The following SLC39A11 variants were observed in gnomAD, a reference collection of about 807,000 sequenced individuals.
SLC39A11 encodes the protein solute carrier family 39 member 11.
A neutral mutation model predicts 36.1 loss-of-function variants in SLC39A11; 33 were observed. That is an observed-to-expected ratio of 0.91 (90% CI 0.69 to 1.22). The LOEUF is 1.22. Among genes scored for constraint, SLC39A11 ranks in the 50% most tolerant of loss-of-function variants. The pLI, the probability that SLC39A11 is intolerant of heterozygous loss-of-function variation, is 0.00. For synonymous variants in SLC39A11, 166 were observed against 170.3 expected (o/e 0.97, Z 0.20); for missense variants, 432 against 430.3 (o/e 1.00, Z -0.03).
rs530671993 is a variant in SLC39A11 at position 72,710,554 on chromosome 17, C to T, written c.671+26096G>A. Reference sequence around the variant, plus strand: ...CCATTTGTGGAGCAGAGAGCAAGCCCTTCACCAGACACAGAATCTTCTGGT... The same window carrying T: ...CCATTTGTGGAGCAGAGAGCAAGCCTTTCACCAGACACAGAATCTTCTGGT... On this transcript the variant is annotated intron_variant, in intron 7 of 9. Coordinates refer to ENST00000255559, the MANE Select transcript of SLC39A11 (RefSeq NM_139177.4). Among the ~76,000 whole-genome samples the T allele has an allele frequency of 1.5e-3, 224 of 152,306 alleles. 2 individuals are homozygous for T. Among genetic ancestry groups the T allele is most frequent in the African/African-American group, 5.3e-3 (222 of 41,558 alleles).
At chr17:72,648,769 G>T (rs2069702539) in intron 9 of SLC39A11, 34 bp downstream of exon 9, 1 of 1,613,286 alleles carries the variant, frequency 6.2e-7, no homozygotes, top group Non-Finnish European at 8.5e-7. Flanking sequence ...CTGGGACTGG[G>T]ACAGGGACAG....
At chr17:72,919,373 G>C (rs1482861000) in intron 5 of SLC39A11, among the ~76,000 whole-genome samples, 2 of 152,156 alleles carry the variant, frequency 1.3e-5, no homozygotes, top group Non-Finnish European at 2.9e-5. Context: ...GGTGAAGAAA[G>C]AGACAGGGAA....
chr17:72,943,129 A>C (rs1010005295), intron 5 of SLC39A11, among the ~76,000 whole-genome samples: 2 of 152,220 alleles, frequency 1.3e-5, no homozygotes, highest in Admixed American at 1.3e-4. Context: ...TTGAGGTGGA[A>C]GAAGGGGATC....
intron 3 of SLC39A11, among the ~76,000 whole-genome samples, chr17:73,046,047 T>C (rs1202533829): frequency 6.6e-6 from 1 of 152,064 alleles, no homozygotes; most frequent in Non-Finnish European, 1.5e-5. Flanking sequence ...CCCTCCTATG[T>C]TTGAAGGAGA....
At chr17:72,809,604 T>C (rs556555420) in intron 6 of SLC39A11, among the ~76,000 whole-genome samples, 2 of 152,316 alleles carry the variant, frequency 1.3e-5, no homozygotes, top group East Asian at 1.9e-4. Flanking sequence ...TCATCACATC[T>C]TGGAGTAACA....
rs1450695634 is a variant in SLC39A11 at position 72,754,041 on chromosome 17, TATATACACATAC to T, written c.602-17334_602-17323del. On this transcript the variant is annotated intron_variant, in intron 6 of 9. Coordinates refer to ENST00000255559, the MANE Select transcript of SLC39A11 (RefSeq NM_139177.4). ...ATATGTATATATATATATATATATA[TATATACACATAC>T]ACACACACACACACACACACACACA... Among the ~76,000 whole-genome samples, 23 of 54,544 alleles carry T rather than the reference TATATACACATAC, an allele frequency of 4.2e-4. 1 individual carries two copies. Among genetic ancestry groups the T allele is most frequent in the African/African-American group, 1.2e-3 (21 of 16,980 alleles). The allele number at this position is 54,544 out of a possible 152,430, so 35.8% of individuals were successfully genotyped here.
chr17:72,748,120 A>G (rs915391235), intron 6 of SLC39A11, among the ~76,000 whole-genome samples: 3 of 152,162 alleles, frequency 2.0e-5, no homozygotes, highest in Non-Finnish European at 2.9e-5. Flanking sequence ...TCAGGAGTTC[A>G]AGACTAGCCT....
intron 4 of SLC39A11, among the ~76,000 whole-genome samples, chr17:73,026,662 C>T (rs1443968809): frequency 1.3e-5 from 2 of 152,032 alleles, no homozygotes; most frequent in Non-Finnish European, 2.9e-5. Context: ...AGGGTTTTCA[C>T]ATAAAATTTT....
At chr17:72,774,590 C>T (rs182354278) in intron 6 of SLC39A11, among the ~76,000 whole-genome samples, 5 of 152,302 alleles carry the variant, frequency 3.3e-5, no homozygotes, top group Admixed American at 2.6e-4. Flanking sequence ...TAAACAGACT[C>T]GTCTGAAGTC....
intron 4 of SLC39A11, among the ~76,000 whole-genome samples, chr17:73,005,192 A>G (rs35359306): frequency 0.067 from 10,199 of 152,134 alleles, 455 homozygotes; most frequent in African/African-American, 0.13. Flanking sequence ...TGGCCAGGCT[A>G]GTCTCGAACT....
At chr17:72,903,337 C>G (rs1453048543) in intron 5 of SLC39A11, among the ~76,000 whole-genome samples, 2 of 151,182 alleles carry the variant, frequency 1.3e-5, no homozygotes, top group Non-Finnish European at 3.0e-5. Flanking sequence ...AAAACAAGTT[C>G]TTCTTCTTGG....
chr17:73,081,819 G>A (rs35080033), intron 3 of SLC39A11, among the ~76,000 whole-genome samples: 7,021 of 150,554 alleles, frequency 0.047, 285 homozygotes, highest in East Asian at 0.21. Context: ...TGAAATAATG[G>A]TACTCGCAGC....
chr17:72,842,626 C>CAGCA (rs1398060701), intron 6 of SLC39A11, among the ~76,000 whole-genome samples: 1 of 152,184 alleles, frequency 6.6e-6, no homozygotes, highest in African/African-American at 2.4e-5. Context: ...ACTGCATGGA[C>CAGCA]AGCACTTCAA....
intron 6 of SLC39A11, among the ~76,000 whole-genome samples, chr17:72,768,077 T>C (rs1413768997): frequency 6.6e-6 from 1 of 152,002 alleles, no homozygotes; most frequent in Non-Finnish European, 1.5e-5. Context: ...TGCTCCCTGG[T>C]GGGGGCCACA....
Position 72,744,877 on chromosome 17 carries a change from T to C in SLC39A11, c.602-8158A>G, listed in dbSNP as rs576860566. ...TTTTATTTGAGATGGAGTCTTGCTC[T>C]GTTGCCCAGGCTGGAGTGCAGTGGC... On this transcript the variant is annotated intron_variant, in intron 6 of 9. Coordinates refer to ENST00000255559, the MANE Select transcript of SLC39A11 (RefSeq NM_139177.4). Among the ~76,000 whole-genome samples the C allele has an allele frequency of 9.2e-5, 14 of 152,340 alleles. No homozygotes were observed. In the South Asian group the frequency reaches 2.9e-3, roughly 32 times the overall value.
chr17:73,046,479 T>C (rs368249118), intron 3 of SLC39A11, among the ~76,000 whole-genome samples: 28 of 152,226 alleles, frequency 1.8e-4, no homozygotes, highest in African/African-American at 6.7e-4. Flanking sequence ...GACTGCCCGA[T>C]ATAGCAAATA....
chr17:72,777,361 C>T (rs1055739542), intron 6 of SLC39A11, among the ~76,000 whole-genome samples: 1 of 152,058 alleles, frequency 6.6e-6, no homozygotes, highest in African/African-American at 2.4e-5. Flanking sequence ...ACCAGTATCC[C>T]CCCAAAATCC....
intron 6 of SLC39A11, among the ~76,000 whole-genome samples, chr17:72,794,492 C>CAAAGTGCTT (rs1328573868): frequency 5.3e-5 from 8 of 152,012 alleles, no homozygotes; most frequent in Non-Finnish European, 8.8e-5. Flanking sequence ...AGATGAAGTG[C>CAAAGTGCTT]AAAGTGCTTA....
At chr17:72,913,813 C>A (rs1162250286) in intron 5 of SLC39A11, among the ~76,000 whole-genome samples, 1 of 152,050 alleles carries the variant, frequency 6.6e-6, no homozygotes, top group Admixed American at 6.6e-5. Context: ...CTGCATGCAA[C>A]AGAATAATCT....
Sources: allele counts gnomAD v4.1 joint callset (sites outside exome capture counted in the v4.1 genomes callset), GRCh38; gene constraint gnomAD v4.1.1; transcripts MANE v1.5; gene names NCBI Gene and HGNC (gene_info 2026-07-23, HGNC 2026-07-21).